NAV1: variants seen among roughly 807,000 people sequenced by gnomAD.
NAV1 encodes the protein pore membrane and/or filament interacting like protein 3.
A neutral mutation model predicts 175.2 loss-of-function variants in NAV1; 18 were observed. The observed-to-expected ratio is 0.10, with a 90% CI of 0.07 to 0.15. NAV1 has a LOEUF of 0.15. NAV1 is among the 10% of genes least tolerant of loss of function. NAV1 has a pLI of 1.00. For missense variants in NAV1, 1,731 were observed against 2,436.6 expected (o/e 0.71, Z 6.10); for synonymous variants, 897 against 978.7 (o/e 0.92, Z 1.56).
At chr1:201,695,729 C>A (rs532575133) in intron 1 of NAV1, among the ~76,000 whole-genome samples, 1 of 152,334 alleles carries the variant, frequency 6.6e-6, no homozygotes, top group East Asian at 1.9e-4. Flanking sequence ...GCCTCCCAGG[C>A]ATTCCCTGAC....
rs1190005733 is a variant in NAV1, at chr1:201,788,737, T to C, written c.3166+99T>C. ...CACCACTCCTACCACCACACACATATATGATTCACAGAACATCAAGTTGGG... is the reference window on the plus strand; with the variant it reads ...CACCACTCCTACCACCACACACATACATGATTCACAGAACATCAAGTTGGG... On this transcript the variant is annotated intron_variant, in intron 10 of 29. Transcript: ENST00000367296. This position sits in a 1 kb window ranked among gnomAD's most constrained non-coding sequence, Gnocchi z 5.7. 3.8e-5 allele frequency: 50 copies of C among 1,315,730 alleles called. No individual in the cohort carries two copies. Among genetic ancestry groups the C allele is most frequent in the South Asian group, 5.6e-5 (4 of 72,000 alleles). 81.5% of individuals were successfully genotyped at this position (1,315,730 alleles called of 1,614,324 possible). A position where few individuals can be genotyped will look rare whatever the true frequency, so the allele number is the denominator to read the frequency against.
At chr1:201,687,960 C>T (rs1490528163) in intron 1 of NAV1, among the ~76,000 whole-genome samples, 2 of 152,220 alleles carry the variant, frequency 1.3e-5, no homozygotes, top group Non-Finnish European at 1.5e-5. Context: ...ATGTAATTAA[C>T]GAGGAATGAC....
intron 1 of NAV1, among the ~76,000 whole-genome samples, chr1:201,571,882 G>T (rs978217408): frequency 6.6e-6 from 1 of 152,232 alleles, no homozygotes; most frequent in African/African-American, 2.4e-5. Flanking sequence ...AACAATTTGA[G>T]TGGGTAAAAG....
chr1:201,695,572 A>G (rs1671155609), intron 1 of NAV1, among the ~76,000 whole-genome samples: 1 of 152,176 alleles, frequency 6.6e-6, no homozygotes, highest in Non-Finnish European at 1.5e-5. Flanking sequence ...AAATCTCTCT[A>G]AGGCATGTTT....
At chr1:201,584,075 C>T (rs377756911) in intron 1 of NAV1, among the ~76,000 whole-genome samples, 6 of 152,232 alleles carry the variant, frequency 3.9e-5, no homozygotes, top group South Asian at 2.1e-4. Context: ...TTGGGAAGGA[C>T]ACTAGCATTT....
intron 1 of NAV1, among the ~76,000 whole-genome samples, chr1:201,660,423 C>G (rs1669564485): frequency 6.6e-6 from 1 of 152,276 alleles, no homozygotes; most frequent in East Asian, 1.9e-4. Flanking sequence ...CCTAGGAGCA[C>G]CAGCGTCAGG....
intron 1 of NAV1, among the ~76,000 whole-genome samples, chr1:201,666,678 G>GTA (rs1669836761): frequency 1.3e-5 from 2 of 152,140 alleles, no homozygotes; most frequent in Admixed American, 1.3e-4. Flanking sequence ...TTGCCTACCT[G>GTA]TACCCTGGGG....
At chr1:201,825,388 C>G (rs1679616156) in exon 30 of NAV1, 1 of 152,116 alleles carries the variant, frequency 6.6e-6, no homozygotes, top group Admixed American at 6.6e-5. Context: ...CAGCAACATC[C>G]CTCTCCTTTA....
chr1:201,778,646 A>T (rs1676107205), intron 3 of NAV1, among the ~76,000 whole-genome samples: 1 of 151,992 alleles, frequency 6.6e-6, no homozygotes, highest in Non-Finnish European at 1.5e-5. Flanking sequence ...AATTTAAAGA[A>T]CTCTGTAGTG....
chr1:201,562,662 T>C (rs1368288355), intron 1 of NAV1, among the ~76,000 whole-genome samples: 2 of 152,210 alleles, frequency 1.3e-5, no homozygotes, highest in Non-Finnish European at 2.9e-5. Flanking sequence ...TGAGTGGAGC[T>C]TAAGATATAA....
chr1:201,697,020 A>C (rs988609559), intron 1 of NAV1, among the ~76,000 whole-genome samples: 1 of 152,168 alleles, frequency 6.6e-6, no homozygotes, highest in Non-Finnish European at 1.5e-5. Flanking sequence ...TTTAAATGCA[A>C]AAACTCTTCA....
At chr1:201,814,176 C>A (rs1678878712) in intron 28 of NAV1, among the ~76,000 whole-genome samples, 1 of 151,962 alleles carries the variant, frequency 6.6e-6, no homozygotes, top group Non-Finnish European at 1.5e-5. Flanking sequence ...AGCCCAGGAG[C>A]TTGGGCAACA....
chr1:201,625,991 G>T (rs1373749964), intron 1 of NAV1, among the ~76,000 whole-genome samples: 1 of 152,188 alleles, frequency 6.6e-6, no homozygotes, highest in African/African-American at 2.4e-5. Flanking sequence ...TCAGTCTCTG[G>T]ATTAGGGTTG....
chr1:201,606,114 A>G (rs1055175755), intron 2 of NAV1, among the ~76,000 whole-genome samples: 4 of 152,192 alleles, frequency 2.6e-5, no homozygotes, highest in Non-Finnish European at 5.9e-5. Context: ...GGATCCACCT[A>G]GAAAGGGGAA....
chr1:201,615,755 C>T (rs1667985471), intron 2 of NAV1, among the ~76,000 whole-genome samples: 1 of 152,242 alleles, frequency 6.6e-6, no homozygotes. Context: ...CCCAGATCTT[C>T]CAGATTCAAA....
intron 2 of NAV1, among the ~76,000 whole-genome samples, chr1:201,640,676 T>C (rs925511385): frequency 1.3e-5 from 2 of 152,164 alleles, no homozygotes; most frequent in Non-Finnish European, 2.9e-5. Context: ...GCCCAGGGCT[T>C]CAGGGAAGGG....
Position 201,788,456 on chromosome 1 carries a change from C to T in NAV1, c.2996-12C>T, listed in dbSNP as rs753148012. The T allele has an allele frequency of 8.1e-6, 13 of 1,613,930 alleles. No homozygotes were observed. In the South Asian group the frequency reaches 1.3e-4, roughly 16 times the overall value. ...GCTCCCTCTCCTGTCCCCCTTCCCT[C>T]TGTCCTTCCAGTGAGTCCCACTGCG... On this transcript the variant is annotated splice_polypyrimidine_tract_variant and intron_variant, in intron 9 of 29. Transcript: ENST00000367296. The surrounding 1 kb of genome is among the most constrained non-coding windows in gnomAD (Gnocchi z 5.7).
rs1446435804 is a variant in NAV1 at position 201,648,775 on chromosome 1, C to T, written c.107C>T (p.Ala36Val). 3.5e-6 allele frequency: 5 copies of T among 1,410,366 alleles called. No individual in the cohort carries two copies. The South Asian group carries it at 6.4e-5, about 18-fold the overall frequency. The allele number at this position is 1,410,366 out of a possible 1,614,324, so 87.4% of individuals were successfully genotyped here. ...CGGGGCGCCGGCAGGAAGGCGGCAG[C>T]GGCGGACGGCAGAGGCATGCTGCCC... The change falls in exon 1 of 30, where the codon GCG becomes GTG. Residue 36 changes from alanine (A) to valine (V), a missense_variant. Ala to Val is a moderately conservative substitution (Grantham distance 64, BLOSUM62 0). Coordinates refer to ENST00000367296, the Ensembl canonical transcript of NAV1.
chr1:201,782,696 A>G lies in NAV1; in HGVS notation c.2184A>G (p.Pro728=), dbSNP rs1190380202. The change falls in exon 6 of 30, where the codon CCA becomes CCG. Residue 728 remains proline (P), a synonymous_variant. Coordinates refer to ENST00000367296, the Ensembl canonical transcript of NAV1. The surrounding 1 kb of genome is among the most constrained non-coding windows in gnomAD (Gnocchi z 5.4). ...AGGTAGCCAGTGGGCGGACCACTCC[A>G]GCCCCTGTCAATCAGACAGATCGGG... The G allele has an allele frequency of 6.2e-7, 1 of 1,614,140 alleles. No individual in the cohort carries two copies. The highest frequency in any genetic ancestry group is 1.7e-5 in the Admixed American group (1 of 60,022).
Sources: allele counts gnomAD v4.1 joint callset (sites outside exome capture counted in the v4.1 genomes callset), GRCh38; gene constraint gnomAD v4.1.1; non-coding constraint Gnocchi (gnomAD v3.1); transcripts MANE v1.5; gene names NCBI Gene and HGNC (gene_info 2026-07-23, HGNC 2026-07-21).